The following SLMAP variants were observed in gnomAD, a reference collection of about 807,000 sequenced individuals.
The protein encoded by SLMAP is sarcolemmal membrane-associated protein.
SLMAP carries 44 observed loss-of-function variants against 128.8 expected under a neutral mutation model. That is an observed-to-expected ratio of 0.34 (90% CI 0.27 to 0.44). SLMAP has a LOEUF of 0.44. Among genes scored for constraint, SLMAP ranks in the 20% least tolerant of loss-of-function variants. The probability of loss-of-function intolerance (pLI) is 1.00; values close to 1 mark genes in which losing one functional copy is unlikely to be tolerated. For missense variants in SLMAP, 787 were observed against 985.3 expected, an observed-to-expected ratio of 0.80 and a Z score of 2.69; for synonymous variants, 327 against 348.8, an observed-to-expected ratio of 0.94 and a Z score of 0.70.
At chr3:57,839,247 G>T (rs1468686279) in intron 3 of SLMAP, among the ~76,000 whole-genome samples, 4 of 151,710 alleles carry the variant, frequency 2.6e-5, no homozygotes, top group Admixed American at 2.6e-4. Flanking sequence ...CCAATAGATG[G>T]TTCTTGATCT....
At chr3:57,818,457 AGTCCT>A (rs942911039) in intron 2 of SLMAP, among the ~76,000 whole-genome samples, 15 of 152,182 alleles carry the variant, frequency 9.9e-5, no homozygotes, top group African/African-American at 3.6e-4. Flanking sequence ...GCCTGGCCAT[AGTCCT>A]GATTTCTTTA....
At chr3:57,877,083 C>T (rs1377354421) in intron 14 of SLMAP, among the ~76,000 whole-genome samples, 2 of 151,456 alleles carry the variant, frequency 1.3e-5, no homozygotes, top group African/African-American at 4.9e-5. Flanking sequence ...ATTCTTAATC[C>T]GTGTTTGTTA....
intron 2 of SLMAP, among the ~76,000 whole-genome samples, chr3:57,804,636 C>T (rs975594365): frequency 1.3e-5 from 2 of 151,752 alleles, no homozygotes; most frequent in Non-Finnish European, 2.9e-5. Context: ...TCCCAGCTAC[C>T]TGGGAGGCTG....
chr3:57,817,421 A>G (rs2091988981), intron 2 of SLMAP, among the ~76,000 whole-genome samples: 1 of 152,238 alleles, frequency 6.6e-6, no homozygotes, highest in Non-Finnish European at 1.5e-5. Context: ...AGAGATGCTC[A>G]GGAAATGATG....
intron 10 of SLMAP, among the ~76,000 whole-genome samples, chr3:57,863,743 T>G (rs1034565972): frequency 3.3e-5 from 5 of 152,158 alleles, no homozygotes; most frequent in African/African-American, 7.2e-5. Flanking sequence ...CACCTCTCAT[T>G]AGACCCCATC....
intron 2 of SLMAP, among the ~76,000 whole-genome samples, chr3:57,809,653 A>C (rs547258233): frequency 1.3e-5 from 2 of 152,210 alleles, no homozygotes; most frequent in Admixed American, 1.3e-4. Flanking sequence ...CCCTACAGAC[A>C]GAAGCGGGAA....
Position 57,828,691 on chromosome 3 carries a change from G to A in SLMAP, c.199-2692G>A, listed in dbSNP as rs1374796831. Among the ~76,000 whole-genome samples the A allele has an allele frequency of 2.0e-5, 3 of 152,186 alleles. No homozygotes were observed. The East Asian group carries it at 5.8e-4, about 29-fold the overall frequency. ...CAACTAATATAAATTATATGTTCAAGCTAAACGGAGGCCAAAGGTACCATG... is the reference window on the plus strand; with the variant it reads ...CAACTAATATAAATTATATGTTCAAACTAAACGGAGGCCAAAGGTACCATG... On this transcript the variant is annotated intron_variant, in intron 2 of 24. Transcript: ENST00000671191.
chr3:57,757,393 G>C lies in SLMAP; in HGVS notation c.-259G>C. ...TGAGCCTTTTCTTCCCAGAGAAGAA[G>C]ATGGACTGAAAGCTGCCAGTTGGGG... On this transcript the variant is annotated 5_prime_UTR_variant, in exon 2 of 25. Coordinates refer to ENST00000671191, the MANE Select transcript of SLMAP (RefSeq NM_001377540.1). 4 of 542,000 alleles carry C rather than the reference G, an allele frequency of 7.4e-6. No individual in the cohort carries two copies. Among genetic ancestry groups the C allele is most frequent in the Non-Finnish European group, 1.0e-5 (3 of 301,342 alleles). 33.6% of individuals were successfully genotyped at this position (542,000 alleles called of 1,614,324 possible).
chr3:57,779,918 G>A (rs2153457909), intron 2 of SLMAP, among the ~76,000 whole-genome samples: 2 of 152,048 alleles, frequency 1.3e-5, no homozygotes, highest in East Asian at 1.9e-4. Flanking sequence ...TTCTCAAGCT[G>A]GCAGTTGGGT....
intron 2 of SLMAP, among the ~76,000 whole-genome samples, chr3:57,818,918 G>A (rs1001281664): frequency 2.6e-5 from 4 of 152,152 alleles, no homozygotes; most frequent in Admixed American, 2.6e-4. Context: ...TCTTAACTGG[G>A]AGCATTACTA....
intron 2 of SLMAP, among the ~76,000 whole-genome samples, chr3:57,820,372 A>G (rs1365289018): frequency 2.0e-5 from 3 of 152,142 alleles, no homozygotes; most frequent in East Asian, 1.9e-4. Flanking sequence ...AGGAGCCTCA[A>G]AGACAAACAG....
At chr3:57,922,425 C>CTT (rs72397483) in intron 22 of SLMAP, among the ~76,000 whole-genome samples, 2,158 of 124,962 alleles carry the variant, frequency 0.017, 76 homozygotes, top group African/African-American at 0.06. Flanking sequence ...AAAGGCTTTT[C>CTT]TTTTTTTTTT....
chr3:57,916,197 G>A (rs571896368), intron 21 of SLMAP, among the ~76,000 whole-genome samples: 1 of 152,192 alleles, frequency 6.6e-6, no homozygotes, highest in East Asian at 1.9e-4. Flanking sequence ...TTAACCTTGG[G>A]AACAGCCTCA....
At chr3:57,902,433 A>G (rs574564700) in intron 17 of SLMAP, among the ~76,000 whole-genome samples, 5 of 152,350 alleles carry the variant, frequency 3.3e-5, no homozygotes, top group South Asian at 2.1e-4. Context: ...TTTGTAAGAT[A>G]GAGTGATCAT....
At chr3:57,911,302 A>G (rs1399792369) in intron 19 of SLMAP, among the ~76,000 whole-genome samples, 1 of 152,160 alleles carries the variant, frequency 6.6e-6, no homozygotes, top group Non-Finnish European at 1.5e-5. Flanking sequence ...CCTTCCTACA[A>G]ACTTAGAAAG....
At chr3:57,776,647 C>G (rs913551577) in intron 2 of SLMAP, among the ~76,000 whole-genome samples, 1 of 151,676 alleles carries the variant, frequency 6.6e-6, no homozygotes, top group Admixed American at 6.6e-5. Context: ...CAGCCTCAGC[C>G]TCCCAAATAG....
At chr3:57,802,031 C>T (rs1357502607) in intron 2 of SLMAP, among the ~76,000 whole-genome samples, 3 of 152,036 alleles carry the variant, frequency 2.0e-5, no homozygotes, top group Non-Finnish European at 4.4e-5. Context: ...TTTTATCCTT[C>T]CTCTGTTCAT....
At chr3:57,893,184 G>A (rs1008871424) in intron 15 of SLMAP, among the ~76,000 whole-genome samples, 3 of 151,920 alleles carry the variant, frequency 2.0e-5, no homozygotes, top group Non-Finnish European at 4.4e-5. Context: ...TAGGTACTAG[G>A]CACTGTTCTG....
At chr3:57,875,718 A>C (rs2095589916) in intron 14 of SLMAP, among the ~76,000 whole-genome samples, 1 of 152,206 alleles carries the variant, frequency 6.6e-6, no homozygotes, top group Non-Finnish European at 1.5e-5. Context: ...AGGTATTTCA[A>C]AACTTTCCAA....
Sources: gnomAD v4.1 joint callset for allele counts (sites outside exome capture counted in the v4.1 genomes callset) on GRCh38, gnomAD v4.1.1 for gene constraint, MANE v1.5 for transcripts, NCBI Gene and HGNC (gene_info 2026-07-23, HGNC 2026-07-21) for gene names.